The following BTRC variants were observed in gnomAD, a reference collection of about 807,000 sequenced individuals.
The protein encoded by BTRC is beta-transducin repeat containing E3 ubiquitin protein ligase, also known as F-box/WD repeat-containing protein 1A.
BTRC carries 42 observed loss-of-function variants against 85.5 expected under a neutral mutation model. The ratio of observed to expected loss-of-function variants is 0.49; its 90% CI spans 0.38 to 0.64. The LOEUF (loss-of-function observed/expected upper bound fraction) is 0.64. Ranked by LOEUF, BTRC falls within the 30% of genes least tolerant of loss-of-function variation. BTRC has a pLI of 0.00. For missense variants in BTRC, 594 were observed against 743.5 expected, an observed-to-expected ratio of 0.80 and a Z score of 2.34; for synonymous variants, 255 against 263.3, an observed-to-expected ratio of 0.97 and a Z score of 0.30.
At chr10:101,428,880 G>A (rs532520665) in intron 1 of BTRC, among the ~76,000 whole-genome samples, 1 of 152,278 alleles carries the variant, frequency 6.6e-6, no homozygotes, top group South Asian at 2.1e-4. Flanking sequence ...TGCCCAGGCT[G>A]GATTTGAACT....
At position 101,555,633 on chromosome 10, in the gene BTRC, A is replaced by G. The variant is rs997780658; in HGVS notation, c.*2510A>G. On this transcript the variant is annotated 3_prime_UTR_variant, in exon 15 of 15. Coordinates refer to ENST00000370187, the MANE Select transcript of BTRC (RefSeq NM_033637.4). ...CCAGAGAAGGTAAACCCCACTTACC[A>G]TCTCTGCATGATTTCAGTGGGAATT... 4.6e-5 allele frequency: 7 copies of G among 152,662 alleles called. No homozygotes were observed. The highest frequency in any genetic ancestry group is 1.7e-4 in the African/African-American group (7 of 41,466). 9.5% of individuals were successfully genotyped at this position (152,662 alleles called of 1,614,324 possible).
chr10:101,510,829 T>TC (rs1314361522), intron 4 of BTRC, among the ~76,000 whole-genome samples: 22 of 152,340 alleles, frequency 1.4e-4, no homozygotes, highest in Non-Finnish European at 2.9e-4. Context: ...TCCTCCTTCA[T>TC]CCTCTGTCAT....
intron 3 of BTRC, among the ~76,000 whole-genome samples, chr10:101,464,190 C>G (rs1181350442): frequency 6.6e-6 from 1 of 152,124 alleles, no homozygotes; most frequent in Non-Finnish European, 1.5e-5. Flanking sequence ...TTTCTCTCTG[C>G]AAAGTTATAA....
At chr10:101,395,060 G>T (rs1354733714) in intron 1 of BTRC, among the ~76,000 whole-genome samples, 1 of 152,134 alleles carries the variant, frequency 6.6e-6, no homozygotes, top group African/African-American at 2.4e-5. Flanking sequence ...TAACAAAATT[G>T]TATCATCTTG....
intron 1 of BTRC, among the ~76,000 whole-genome samples, chr10:101,356,865 C>T (rs1214615960): frequency 6.6e-6 from 1 of 152,158 alleles, no homozygotes; most frequent in East Asian, 1.9e-4. Context: ...GGTGCGGTGG[C>T]TCATGCCTGT....
intron 2 of BTRC, among the ~76,000 whole-genome samples, chr10:101,455,983 AACACACACACACACAC>A (rs745628596): frequency 1.0e-5 from 1 of 95,998 alleles, no homozygotes; most frequent in Non-Finnish European, 2.0e-5. Flanking sequence ...CTCTACTAAA[AACACACACACACACAC>A]ACACACACAC....
intron 1 of BTRC, among the ~76,000 whole-genome samples, chr10:101,401,821 G>C (rs1378214225): frequency 7.1e-6 from 1 of 140,676 alleles, no homozygotes; most frequent in Non-Finnish European, 1.5e-5. Context: ...CTGGGTGACA[G>C]AGCGAGACCT....
chr10:101,475,351 C>A (rs1021911487), intron 3 of BTRC, among the ~76,000 whole-genome samples: 1 of 152,104 alleles, frequency 6.6e-6, no homozygotes, highest in Non-Finnish European at 1.5e-5. Flanking sequence ...ACCAGCCTGG[C>A]CAACATGGTA....
intron 2 of BTRC, among the ~76,000 whole-genome samples, chr10:101,435,946 G>T (rs1310879306): frequency 6.6e-6 from 1 of 152,108 alleles, no homozygotes; most frequent in Non-Finnish European, 1.5e-5. Context: ...AATAAAGAAG[G>T]AGAAGCTATG....
rs568686090 is a variant in BTRC, at chr10:101,543,441, A to G, written c.1656+5070A>G. Among the ~76,000 whole-genome samples the G allele has an allele frequency of 5.4e-5, 8 of 148,328 alleles. No individual in the cohort carries two copies. In the South Asian group the frequency reaches 1.3e-3, roughly 24 times the overall value. ...AAAATGAATTTCTCATATTCAGCAT[A>G]TAGTTGGGCCATGTTTTTTTTTGTT... On this transcript the variant is annotated intron_variant, in intron 13 of 14. Coordinates refer to ENST00000370187, the MANE Select transcript of BTRC (RefSeq NM_033637.4).
At chr10:101,462,811 C>T (rs1219750599) in intron 3 of BTRC, among the ~76,000 whole-genome samples, 1 of 151,956 alleles carries the variant, frequency 6.6e-6, no homozygotes, top group East Asian at 1.9e-4. Context: ...AACGCAAGTT[C>T]TTATGATGTT....
At chr10:101,481,942 T>TA (rs1945844301) in intron 4 of BTRC, among the ~76,000 whole-genome samples, 1 of 152,194 alleles carries the variant, frequency 6.6e-6, no homozygotes, top group African/African-American at 2.4e-5. Context: ...CAATGTCAAA[T>TA]AAAAACACAT....
chr10:101,423,228 T>G (rs954869797), intron 1 of BTRC, among the ~76,000 whole-genome samples: 1 of 152,146 alleles, frequency 6.6e-6, no homozygotes, highest in African/African-American at 2.4e-5. Flanking sequence ...CTGGGTCTTA[T>G]TTACCTTACT....
rs180805830 is a variant in BTRC at position 101,526,688 on chromosome 10, G to A, written c.743+489G>A. Among the ~76,000 whole-genome samples the A allele has an allele frequency of 8.5e-5, 13 of 152,374 alleles. No individual in the cohort carries two copies. The East Asian group carries it at 2.3e-3, about 27-fold the overall frequency. Reference sequence around the variant, plus strand: ...CCAGCTACTGTAGAGGCTGAGGCAGGAGAATCGCATGAACCCTAGGTTTCT... The same window carrying A: ...CCAGCTACTGTAGAGGCTGAGGCAGAAGAATCGCATGAACCCTAGGTTTCT... On this transcript the variant is annotated intron_variant, in intron 6 of 14. Transcript: ENST00000370187.
At chr10:101,458,810 A>C (rs75192636) in intron 2 of BTRC, among the ~76,000 whole-genome samples, 20,892 of 152,206 alleles carry the variant, frequency 0.14, 1,838 homozygotes, top group Non-Finnish European at 0.2. Context: ...TCATATTAAA[A>C]GGCACATAAT....
At chr10:101,531,418 A>G in intron 7 of BTRC, 85 bp downstream of exon 7, 1 of 1,033,590 alleles carries the variant, frequency 9.7e-7, no homozygotes. Flanking sequence ...CAGCAAGCCC[A>G]TTAAGGTTTA....
At chr10:101,488,933 A>G (rs901803118) in intron 4 of BTRC, among the ~76,000 whole-genome samples, 3 of 152,112 alleles carry the variant, frequency 2.0e-5, no homozygotes, top group Non-Finnish European at 4.4e-5. Context: ...AATGTAGATT[A>G]TATGTATCAT....
chr10:101,364,947 A>G (rs1250831131), intron 1 of BTRC: 1 of 152,070 alleles, frequency 6.6e-6, no homozygotes, highest in South Asian at 2.1e-4. Flanking sequence ...TCTATTTAAT[A>G]TATTGTCCTC....
At chr10:101,426,959 T>C (rs1944267314) in intron 1 of BTRC, among the ~76,000 whole-genome samples, 2 of 152,102 alleles carry the variant, frequency 1.3e-5, no homozygotes, top group African/African-American at 4.8e-5. Context: ...TTTTCCTGTG[T>C]TTTCATGCTC....
Sources: gnomAD v4.1 joint callset for allele counts (sites outside exome capture counted in the v4.1 genomes callset) on GRCh38, gnomAD v4.1.1 for gene constraint, MANE v1.5 for transcripts, NCBI Gene and HGNC (gene_info 2026-07-23, HGNC 2026-07-21) for gene names.